Variants in AGBL4 observed in about 807,000 individuals in gnomAD.
The protein encoded by AGBL4 is AGBL carboxypeptidase 4, also known as cytosolic carboxypeptidase 6.
In AGBL4, 58 loss-of-function variants were observed where a neutral mutation model predicts 66.4. The ratio of observed to expected loss-of-function variants is 0.87; its 90% CI spans 0.71 to 1.09. The LOEUF (loss-of-function observed/expected upper bound fraction) is 1.09, where lower values mean the gene tolerates loss of function less well. Ranked by LOEUF, AGBL4 falls within the 50% of genes least tolerant of loss-of-function variation. AGBL4 has a pLI of 0.00. For synonymous variants in AGBL4, 234 were observed against 222.9 expected (o/e 1.05, Z -0.44); for missense variants, 579 against 631.0 (o/e 0.92, Z 0.88).
At chr1:49,442,175 T>A (rs1646049102) in intron 3 of AGBL4, among the ~76,000 whole-genome samples, 2 of 149,998 alleles carry the variant, frequency 1.3e-5, no homozygotes, top group African/African-American at 4.9e-5. Context: ...AAGCTGGGCC[T>A]GAGAGAGAGA....
At chr1:49,582,263 C>T (rs1644558008) in intron 3 of AGBL4, among the ~76,000 whole-genome samples, 1 of 152,220 alleles carries the variant, frequency 6.6e-6, no homozygotes, top group South Asian at 2.1e-4. Context: ...TGGGGCAATC[C>T]TAAGGTCCCT....
intron 4 of AGBL4, among the ~76,000 whole-genome samples, chr1:49,186,475 A>G (rs1284366082): frequency 6.6e-6 from 1 of 152,190 alleles, no homozygotes; most frequent in Non-Finnish European, 1.5e-5. Context: ...AAACTCAATG[A>G]GCCTTTCTGG....
intron 3 of AGBL4, among the ~76,000 whole-genome samples, chr1:49,617,380 T>C (rs990795676): frequency 1.3e-5 from 2 of 152,216 alleles, no homozygotes; most frequent in African/African-American, 4.8e-5. Context: ...TCTCCATCCC[T>C]ATACCCTCTA....
At chr1:49,289,926 G>C (rs1425101858) in intron 3 of AGBL4, among the ~76,000 whole-genome samples, 1 of 151,944 alleles carries the variant, frequency 6.6e-6, no homozygotes, top group Non-Finnish European at 1.5e-5. Context: ...CTTTAAAAGG[G>C]TTAATGAAAC....
At chr1:48,775,196 T>C (rs1323245307) in intron 6 of AGBL4, among the ~76,000 whole-genome samples, 2 of 152,162 alleles carry the variant, frequency 1.3e-5, no homozygotes, top group African/African-American at 2.4e-5. Context: ...GGGCCTACAC[T>C]TCGGTGTGCC....
At chr1:48,692,659 C>T (rs979211202) in intron 6 of AGBL4, among the ~76,000 whole-genome samples, 2 of 152,190 alleles carry the variant, frequency 1.3e-5, no homozygotes, top group Admixed American at 6.5e-5. Flanking sequence ...CTTCAGTCAG[C>T]TTGTCTATAC....
chr1:49,976,983 C>T (rs1381608666), intron 1 of AGBL4, among the ~76,000 whole-genome samples: 1 of 152,216 alleles, frequency 6.6e-6, no homozygotes, highest in East Asian at 1.9e-4. Context: ...TCAATATACA[C>T]ACATACTTCC....
At chr1:49,377,577 C>T (rs1427244245) in intron 3 of AGBL4, among the ~76,000 whole-genome samples, 2 of 152,032 alleles carry the variant, frequency 1.3e-5, no homozygotes, top group African/African-American at 2.4e-5. Context: ...TTTTATCCTA[C>T]ATGCAAGCTA....
chr1:49,925,682 T>A (rs1372608712), intron 1 of AGBL4, among the ~76,000 whole-genome samples: 3 of 152,144 alleles, frequency 2.0e-5, no homozygotes, highest in Admixed American at 6.5e-5. Flanking sequence ...TGGCAAAATA[T>A]ACCACAAGCT....
chr1:49,444,940 T>A (rs994356197), intron 3 of AGBL4, among the ~76,000 whole-genome samples: 4 of 152,090 alleles, frequency 2.6e-5, no homozygotes, highest in African/African-American at 9.6e-5. Flanking sequence ...ACTTTACCAG[T>A]GAGCTTTTTT....
At chr1:49,278,009 A>G (rs930704494) in intron 3 of AGBL4, among the ~76,000 whole-genome samples, 1 of 152,218 alleles carries the variant, frequency 6.6e-6, no homozygotes, top group Non-Finnish European at 1.5e-5. Context: ...TTTAACAATC[A>G]TAACAACATG....
chr1:49,425,711 T>C (rs1026393576), intron 3 of AGBL4, among the ~76,000 whole-genome samples: 2 of 152,210 alleles, frequency 1.3e-5, no homozygotes, highest in Non-Finnish European at 2.9e-5. Flanking sequence ...AACTTAGCTA[T>C]AGCCCCTCTC....
rs148554680 is a variant in AGBL4 at position 49,701,819 on chromosome 1, G to A, written c.158-4382C>T. On this transcript the variant is annotated intron_variant, in intron 2 of 13. Transcript: ENST00000371839. ...GAGGACATACTATAACCAACTGTACGTCAAAAAATTAAATAACCTAAATGA... is the reference window on the plus strand; with the variant it reads ...GAGGACATACTATAACCAACTGTACATCAAAAAATTAAATAACCTAAATGA... 4.6e-3 allele frequency among the ~76,000 whole-genome samples: 702 copies of A among 151,950 alleles called. 5 individuals carry two copies. Among genetic ancestry groups the A allele is most frequent in the African/African-American group, 0.016 (668 of 41,488 alleles).
chr1:49,439,248 A>G lies in AGBL4; in HGVS notation c.283-193384T>C, dbSNP rs554549990. ...TGGCAAGTGCAAAACTTGAGAAAGT[A>G]TATCATGACTGGGTGATAGCCATCA... is the stretch of plus-strand genomic sequence containing the variant. On this transcript the variant is annotated intron_variant, in intron 3 of 13. Coordinates refer to ENST00000371839, the MANE Select transcript of AGBL4 (RefSeq NM_032785.4). Among the ~76,000 whole-genome samples, 2 of 152,324 alleles carry G rather than the reference A, an allele frequency of 1.3e-5. 1 individual carries two copies. The highest frequency in any genetic ancestry group is 4.1e-4 in the South Asian group (2 of 4,824).
At chr1:48,798,141 T>C (rs1645732123) in intron 6 of AGBL4, among the ~76,000 whole-genome samples, 1 of 152,146 alleles carries the variant, frequency 6.6e-6, no homozygotes, top group Non-Finnish European at 1.5e-5. Context: ...CCAACATCTA[T>C]TATTTTTTAA....
In AGBL4 at chr1:49,624,420, CTCT is replaced by C. The variant is rs959594842; in HGVS notation, c.282+72890_282+72892del. Among the ~76,000 whole-genome samples the C allele has an allele frequency of 5.3e-5, 8 of 152,174 alleles. No individual in the cohort carries two copies. The South Asian group carries it at 6.2e-4, about 12-fold the overall frequency. ...TTTCTAATTGCCTATTGAATGTCTT[CTCT>C]TCTTCTTTAGTAACACAGCACTGAT... On this transcript the variant is annotated intron_variant, in intron 3 of 13. Transcript: ENST00000371839.
intron 6 of AGBL4, among the ~76,000 whole-genome samples, chr1:48,770,455 C>CT (rs1324915535): frequency 6.6e-6 from 1 of 152,040 alleles, no homozygotes; most frequent in Non-Finnish European, 1.5e-5. Flanking sequence ...TCCCCAGTCA[C>CT]TTTTTTTTCA....
intron 3 of AGBL4, among the ~76,000 whole-genome samples, chr1:49,535,617 T>C (rs1311799119): frequency 1.3e-5 from 2 of 152,110 alleles, no homozygotes; most frequent in Admixed American, 6.6e-5. Flanking sequence ...TGACATGTGC[T>C]ACCTTTTTAT....
chr1:49,515,625 C>G (rs1415501517), intron 3 of AGBL4, among the ~76,000 whole-genome samples: 2 of 151,582 alleles, frequency 1.3e-5, no homozygotes, highest in African/African-American at 2.4e-5. Flanking sequence ...ATAGCAAAGA[C>G]TTGGAACCAA....
Sources: gnomAD v4.1 joint callset for allele counts (sites outside exome capture counted in the v4.1 genomes callset) on GRCh38, gnomAD v4.1.1 for gene constraint, MANE v1.5 for transcripts, NCBI Gene and HGNC (gene_info 2026-07-23, HGNC 2026-07-21) for gene names.